SEC13: variants seen among roughly 807,000 people sequenced by gnomAD.
SEC13 encodes the protein SEC13 homolog, nuclear pore and COPII component.
In SEC13, 25 loss-of-function variants were observed where a neutral mutation model predicts 49.2. That is an observed-to-expected ratio of 0.51 (90% CI 0.37 to 0.71). The LOEUF (loss-of-function observed/expected upper bound fraction) is 0.71, where lower values mean the gene tolerates loss of function less well. SEC13 is among the 30% of genes least tolerant of loss of function. The pLI is 0.00. For synonymous variants in SEC13, 148 were observed against 163.9 expected, an observed-to-expected ratio of 0.90 and a Z score of 0.74; for missense variants, 383 against 417.6, an observed-to-expected ratio of 0.92 and a Z score of 0.72.
chr3:10,305,275 T>C, intron 6 of SEC13, 119 bp from the exon 7 acceptor site: 2 of 1,403,498 alleles, frequency 1.4e-6, no homozygotes, highest in Non-Finnish European at 1.9e-6. Flanking sequence ...CTTTCATTCA[T>C]GGAGTTTGTG....
intron 8 of SEC13, among the ~76,000 whole-genome samples, chr3:10,303,278 T>C (rs1700655675): frequency 6.6e-6 from 1 of 152,142 alleles, no homozygotes; most frequent in African/African-American, 2.4e-5. Context: ...GCAGAGCAGA[T>C]GTGCCTGAAA....
In SEC13 at chr3:10,301,002, A is replaced by G. The variant is rs974008548; in HGVS notation, c.*259T>C. The G allele has an allele frequency of 7.4e-7, 1 of 1,344,756 alleles. No individual in the cohort carries two copies. Among genetic ancestry groups the G allele is most frequent in the Non-Finnish European group, 1.0e-6 (1 of 958,590 alleles). 83.3% of individuals were successfully genotyped at this position (1,344,756 alleles called of 1,614,324 possible). On this transcript the variant is annotated 3_prime_UTR_variant, in exon 9 of 9. Transcript: ENST00000350697. Reference sequence around the variant, plus strand: ...CCAAATAATGCCTGAACCCAAAGGTACATAAAAATGACCCAAAATAGATTT... The same window carrying G: ...CCAAATAATGCCTGAACCCAAAGGTGCATAAAAATGACCCAAAATAGATTT...
In SEC13 at chr3:10,315,335, G is replaced by A. The variant is rs200229438; in HGVS notation, c.150C>T (p.Ile50=). 188 of 1,613,364 alleles carry A rather than the reference G, an allele frequency of 1.2e-4. No individual in the cohort carries two copies. The highest frequency in any genetic ancestry group is 5.6e-4 in the South Asian group (51 of 91,048). ...CCAGCACTTACCCCCTGAGGTCGGC[G>A]ATAAGGATCTGCCCTCCATTGCGCA... ...FDVRNGGQIL[I]ADLRGHEGPV... Residue 50 remains isoleucine, a synonymous_variant, in exon 3 of 9, where the codon ATC becomes ATT. Coordinates refer to ENST00000350697, the MANE Select transcript of SEC13 (RefSeq NM_183352.3).
rs762743820 is a variant in SEC13, at chr3:10,312,105, G to C, written c.317-7C>G. 6.3e-7 allele frequency: 1 copy of C among 1,588,488 alleles called. No individual in the cohort carries two copies. The highest frequency in any genetic ancestry group is 1.1e-5 in the South Asian group (1 of 88,088). On this transcript the variant is annotated splice_polypyrimidine_tract_variant and splice_region_variant and intron_variant, in intron 4 of 8. Coordinates refer to ENST00000350697, the MANE Select transcript of SEC13 (RefSeq NM_183352.3). ...GCCCAGCACACCGAGTTCACTGCGG[G>C]AAGAGGGAGAGTGCAGTGAGCAAAG...
intron 1 of SEC13, chr3:10,319,097 AG>A (rs2059717279): frequency 6.5e-7 from 1 of 1,538,258 alleles, no homozygotes; most frequent in Non-Finnish European, 8.8e-7. Context: ...GATAGAAAAG[AG>A]GACTTAAAAG....
At chr3:10,304,770 G>A (rs374396763) in intron 7 of SEC13, among the ~76,000 whole-genome samples, 6 of 152,164 alleles carry the variant, frequency 3.9e-5, no homozygotes, top group African/African-American at 1.4e-4. Context: ...AGTCTCACAT[G>A]GGTCAGAAGG....
At chr3:10,320,407 G>A (rs1297764115) in intron 1 of SEC13, 1 of 406,044 alleles carries the variant, frequency 2.5e-6, no homozygotes, top group African/African-American at 2.2e-5. Context: ...AGTGTGGAGT[G>A]AATGTACACT....
chr3:10,300,961 T>C lies in SEC13; in HGVS notation c.*300A>G. On this transcript the variant is annotated 3_prime_UTR_variant, in exon 9 of 9. Coordinates refer to ENST00000350697, the MANE Select transcript of SEC13 (RefSeq NM_183352.3). ...AGCAATATGACTTTATTTAGTTCCTTTGGAAACAAAACCCCCCAAATAATG... is the reference window on the plus strand; with the variant it reads ...AGCAATATGACTTTATTTAGTTCCTCTGGAAACAAAACCCCCCAAATAATG... The C allele has an allele frequency of 1.0e-6, 1 of 986,340 alleles. No individual in the cohort carries two copies. The highest frequency in any genetic ancestry group is 2.2e-5 in the Admixed American group (1 of 45,166). 61.1% of individuals were successfully genotyped at this position (986,340 alleles called of 1,614,324 possible).
chr3:10,312,323 C>A (rs1008700228), intron 4 of SEC13, among the ~76,000 whole-genome samples: 1 of 152,192 alleles, frequency 6.6e-6, no homozygotes, highest in Non-Finnish European at 1.5e-5. Context: ...GGTAGGAAAA[C>A]AATCTGAGAA....
At chr3:10,319,128 A>G in intron 1 of SEC13, 1 of 1,607,258 alleles carries the variant, frequency 6.2e-7, no homozygotes, top group South Asian at 1.1e-5. Context: ...TGTGGAACAG[A>G]CATTTCTTAC....
intron 5 of SEC13, chr3:10,311,605 T>G (rs553153568): frequency 5.6e-5 from 58 of 1,041,234 alleles, no homozygotes; most frequent in Non-Finnish European, 6.8e-5. Context: ...AATGTATGCA[T>G]AGCTCACATA....
At chr3:10,320,568 C>T in intron 1 of SEC13, 1 of 987,100 alleles carries the variant, frequency 1.0e-6, no homozygotes, top group Admixed American at 6.1e-5. Context: ...CAGTAGGCGG[C>T]AGAAAGGAAT....
At chr3:10,312,489 C>G (rs923698976) in intron 4 of SEC13, 90 bp downstream of exon 4, 2 of 1,480,560 alleles carry the variant, frequency 1.4e-6, no homozygotes, top group Non-Finnish European at 1.8e-6. Context: ...AGAGGCACCA[C>G]GAGGGGCAGG....
In SEC13 at chr3:10,300,995, C is replaced by G; in HGVS notation, c.*266G>C. On this transcript the variant is annotated 3_prime_UTR_variant, in exon 9 of 9. Transcript: ENST00000350697. ...AAACCCCCCAAATAATGCCTGAACC[C>G]AAAGGTACATAAAAATGACCCAAAA... 1 of 1,315,106 alleles carries G rather than the reference C, an allele frequency of 7.6e-7. No individual in the cohort carries two copies. 81.5% of individuals were successfully genotyped at this position (1,315,106 alleles called of 1,614,324 possible).
chr3:10,305,578 T>G lies in SEC13; in HGVS notation c.565A>C (p.Asn189His). 3 of 1,614,048 alleles carry G rather than the reference T, an allele frequency of 1.9e-6. No homozygotes were observed. The highest frequency in any genetic ancestry group is 8.5e-7 in the Non-Finnish European group (1 of 1,180,020). Residue 189 changes from asparagine to histidine, a missense_variant, in exon 6 of 9, where the codon AAC becomes CAC. Transcript: ENST00000350697. ...IKRFASGGCD[N>H]LIKLWKEEED... is the part of the protein sequence containing the mutation. Reference sequence around the variant, plus strand: ...ACTTACTTCCACAGCTTGATGAGGTTGTCACAGCCACCTGATGCAAACCTC... The same window carrying G: ...ACTTACTTCCACAGCTTGATGAGGTGGTCACAGCCACCTGATGCAAACCTC...
chr3:10,303,982 A>AC, intron 8 of SEC13, 44 bp downstream of exon 8: 1 of 1,610,228 alleles, frequency 6.2e-7, no homozygotes, highest in Non-Finnish European at 8.5e-7. Flanking sequence ...CGGGGTGAAG[A>AC]CCAACAGGCT....
intron 5 of SEC13, among the ~76,000 whole-genome samples, chr3:10,307,469 G>A (rs1040611338): frequency 2.0e-5 from 3 of 152,182 alleles, no homozygotes; most frequent in African/African-American, 7.2e-5. Context: ...AAAAAAAAGA[G>A]AGGTTTAATG....
chr3:10,315,535 C>A, intron 2 of SEC13, 99 bp from the exon 3 acceptor site: 1 of 687,640 alleles, frequency 1.5e-6, no homozygotes, highest in East Asian at 2.7e-5. Context: ...ACCAGAATCT[C>A]CCTGAAATCA....
At chr3:10,303,426 A>C (rs1700668429) in intron 8 of SEC13, 1 of 153,786 alleles carries the variant, frequency 6.5e-6, no homozygotes, top group Non-Finnish European at 1.4e-5. Context: ...TTCTAATTGT[A>C]AAATACACGT....
Sources: gnomAD v4.1 joint callset for allele counts (sites outside exome capture counted in the v4.1 genomes callset) on GRCh38, gnomAD v4.1.1 for gene constraint, MANE v1.5 for transcripts, NCBI Gene and HGNC (gene_info 2026-07-23, HGNC 2026-07-21) for gene names.